IFT122: variants seen among roughly 807,000 people sequenced by gnomAD.
IFT122 encodes intraflagellar transport protein 122 homolog.
In IFT122, 118 loss-of-function variants were observed where a neutral mutation model predicts 161.6. The observed-to-expected ratio is 0.73, with a 90% CI of 0.63 to 0.85. The LOEUF is 0.85. IFT122 is among the 40% of genes least tolerant of loss of function. The pLI is 0.00. For missense variants in IFT122, 1,381 were observed against 1,579.6 expected (o/e 0.87, Z 2.13); for synonymous variants, 550 against 602.4 (o/e 0.91, Z 1.27).
At chr3:129,462,615 T>A (rs749298476) in intron 5 of IFT122, among the ~76,000 whole-genome samples, 1 of 152,182 alleles carries the variant, frequency 6.6e-6, no homozygotes, top group Non-Finnish European at 1.5e-5. Flanking sequence ...ACAGATAACA[T>A]GTGCACACGT....
intron 4 of IFT122, among the ~76,000 whole-genome samples, chr3:129,459,858 A>G (rs1303944791): frequency 6.6e-6 from 1 of 151,286 alleles, no homozygotes. Flanking sequence ...GGCTCAAATA[A>G]TCCTCTTACT....
At chr3:129,503,618 G>T (rs1043501839) in intron 20 of IFT122, among the ~76,000 whole-genome samples, 2 of 152,006 alleles carry the variant, frequency 1.3e-5, no homozygotes, top group African/African-American at 4.8e-5. Context: ...TGAAAGCAAA[G>T]CCTTCACTGA....
chr3:129,493,300 A>G (rs1014832121), intron 17 of IFT122, among the ~76,000 whole-genome samples: 1 of 152,226 alleles, frequency 6.6e-6, no homozygotes, highest in African/African-American at 2.4e-5. Context: ...TCATTTCCCC[A>G]TAATAAACAC....
At chr3:129,476,971 A>G (rs1174654078) in intron 11 of IFT122, among the ~76,000 whole-genome samples, 170 bp downstream of exon 11, 1 of 145,200 alleles carries the variant, frequency 6.9e-6, no homozygotes, top group African/African-American at 2.6e-5. Context: ...TGGTGGGGGA[A>G]GTAGGGATGC....
At position 129,488,398 on chromosome 3, in the gene IFT122, G is replaced by T; in HGVS notation, c.1992+1G>T. 6.2e-7 allele frequency: 1 copy of T among 1,614,140 alleles called. No homozygotes were observed. Among genetic ancestry groups the T allele is most frequent in the Non-Finnish European group, 8.5e-7 (1 of 1,180,020 alleles). ...TTTAGATTTTGAAACAGCAAAGAAG[G>T]TAAGCATCTAGCCAGCAGGAGCTGG... On this transcript the variant is annotated splice_donor_variant, in intron 16 of 29. Coordinates refer to ENST00000348417, the MANE Select transcript of IFT122 (RefSeq NM_052989.3). LOFTEE classifies it high-confidence loss of function.
chr3:129,497,114 C>G (rs1461948826), intron 18 of IFT122, among the ~76,000 whole-genome samples: 1 of 152,184 alleles, frequency 6.6e-6, no homozygotes, highest in Non-Finnish European at 1.5e-5. Context: ...AACCCTCTCT[C>G]TACCAAAAAT....
chr3:129,488,173 T>A (rs1476982748), intron 15 of IFT122, 84 bp from the exon 16 acceptor site: 1 of 1,610,294 alleles, frequency 6.2e-7, no homozygotes, highest in South Asian at 1.1e-5. Context: ...ATCCCACGCA[T>A]CTGGAGGCAG....
intron 1 of IFT122, among the ~76,000 whole-genome samples, chr3:129,441,382 A>G (rs889034648): frequency 2.0e-5 from 3 of 152,158 alleles, no homozygotes; most frequent in African/African-American, 7.2e-5. Context: ...CACTAGTGGT[A>G]GCTGACACTA....
chr3:129,454,508 CAT>C lies in IFT122; in HGVS notation c.193+2513_193+2514del, dbSNP rs1460729746. Reference sequence around the variant, plus strand: ...GTCAGGTGTGCTGTACCATGGTAGTCATATTTGTGTGTGTGTGTGTGTGTGTG... The same window carrying C: ...GTCAGGTGTGCTGTACCATGGTAGTCATTTGTGTGTGTGTGTGTGTGTGTG... On this transcript the variant is annotated intron_variant, in intron 3 of 29. Transcript: ENST00000348417. 2.7e-3 allele frequency among the ~76,000 whole-genome samples: 303 copies of C among 112,432 alleles called. 2 individuals carry two copies. Among genetic ancestry groups the C allele is most frequent in the African/African-American group, 0.012 (264 of 22,914 alleles). The allele number at this position is 112,432 out of a possible 152,430, so 73.8% of individuals were successfully genotyped here. A position where few individuals can be genotyped will look rare whatever the true frequency, so the allele number is the denominator to read the frequency against.
At chr3:129,496,002 A>G (rs553941972) in intron 18 of IFT122, among the ~76,000 whole-genome samples, 64 of 152,388 alleles carry the variant, frequency 4.2e-4, no homozygotes, top group African/African-American at 1.5e-3. Flanking sequence ...CCTGCCGATC[A>G]TGCAGGACGA....
chr3:129,449,983 C>T (rs771805158), intron 2 of IFT122, 46 bp downstream of exon 2: 3 of 1,272,528 alleles, frequency 2.4e-6, no homozygotes, highest in Non-Finnish European at 3.4e-6. Flanking sequence ...CCCTAACCTC[C>T]CTCTTGTGAG....
intron 3 of IFT122, among the ~76,000 whole-genome samples, chr3:129,454,811 G>A (rs1329977765): frequency 6.6e-6 from 1 of 152,132 alleles, no homozygotes; most frequent in Admixed American, 6.5e-5. Context: ...CCCATCAGTA[G>A]TGGCATTTGC....
chr3:129,488,332 G>A lies in IFT122; in HGVS notation c.1927G>A (p.Asp643Asn). ...CCAGATTGCTTGCTTGGGTGTCACA[G>A]ACACTGATTGGCGTGAACTGGCCAT... ...AYQIACLGVT[D>N]TDWRELAMEA... is the part of the protein sequence containing the mutation. The change falls in exon 16 of 30, where the codon GAC becomes AAC. Residue 643 changes from aspartate to asparagine, a missense_variant. Transcript: ENST00000348417. 3.7e-6 allele frequency: 6 copies of A among 1,613,906 alleles called. No individual in the cohort carries two copies. The highest frequency in any genetic ancestry group is 5.1e-6 in the Non-Finnish European group (6 of 1,179,760).
At position 129,504,426 on chromosome 3, in the gene IFT122, G is replaced by A. The variant is rs2081973316; in HGVS notation, c.2650+5G>A. The A allele has an allele frequency of 1.9e-6, 3 of 1,610,038 alleles. No homozygotes were observed. Among genetic ancestry groups the A allele is most frequent in the Non-Finnish European group, 2.6e-6 (3 of 1,176,318 alleles). ...GCTTTGAGGAAGCCCAGAAAGGTAG[G>A]CAACACAGACTGTCACCTTCTAGAA... is the stretch of plus-strand genomic sequence containing the variant. On this transcript the variant is annotated splice_donor_5th_base_variant and intron_variant, in intron 21 of 29. Transcript: ENST00000348417.
At chr3:129,464,858 A>G (rs1016550677) in intron 7 of IFT122, 77 bp downstream of exon 7, 2 of 1,501,566 alleles carry the variant, frequency 1.3e-6, no homozygotes, top group Non-Finnish European at 1.9e-6. Flanking sequence ...AGGTCTCCCT[A>G]CATTCAAAGG....
rs1464353928 is a variant in IFT122 at position 129,517,530 on chromosome 3, C to A, written c.3327C>A (p.Ser1109=). The stretch of plus-strand genomic sequence containing the variant: ...GGATCACTGATGAAGAAGCCATCTC[C>A]CTCATCGACCTGGAGGTGCTGAGAC... ...EEGITDEEAI[S]LIDLEVLRPK... The change falls in exon 27 of 30, where the codon TCC becomes TCA. Residue 1109 remains serine (S), a synonymous_variant. Coordinates refer to ENST00000348417, the MANE Select transcript of IFT122 (RefSeq NM_052989.3). 1.1e-5 allele frequency: 17 copies of A among 1,613,928 alleles called. No individual in the cohort carries two copies. Among genetic ancestry groups the A allele is most frequent in the African/African-American group, 2.7e-5 (2 of 74,938 alleles).
chr3:129,516,578 CAGAGAG>C (rs762952329), intron 26 of IFT122, among the ~76,000 whole-genome samples: 6 of 119,894 alleles, frequency 5.0e-5, no homozygotes, highest in Admixed American at 8.3e-5. Context: ...CACACACACA[CAGAGAG>C]ACTGCCCCTG....
chr3:129,503,572 G>T lies in IFT122; in HGVS notation c.2547+690G>T, dbSNP rs1297902518. ...AGGAGCTGTGCCAAGATCCTCCCCC[G>T]ACTCACCCACCCACCCATCATGGTC... On this transcript the variant is annotated intron_variant, in intron 20 of 29. Coordinates refer to ENST00000348417, the MANE Select transcript of IFT122 (RefSeq NM_052989.3). Among the ~76,000 whole-genome samples the T allele has an allele frequency of 2.7e-5, 4 of 149,532 alleles. No individual in the cohort carries two copies. The East Asian group carries it at 8.1e-4, about 30-fold the overall frequency.
chr3:129,487,783 A>G (rs1170944158), intron 15 of IFT122: 1 of 271,872 alleles, frequency 3.7e-6, no homozygotes. Context: ...TGCTGTGGGA[A>G]CAGGCCTGTA....
Sources: allele counts gnomAD v4.1 joint callset (sites outside exome capture counted in the v4.1 genomes callset), GRCh38; gene constraint gnomAD v4.1.1; transcripts MANE v1.5; gene names NCBI Gene and HGNC (gene_info 2026-07-23, HGNC 2026-07-21).